Variants in DLAT observed in about 807,000 individuals in gnomAD.
DLAT encodes dihydrolipoyllysine-residue acetyltransferase component of pyruvate dehydrogenase complex, mitochondrial.
In DLAT, 43 loss-of-function variants were observed where a neutral mutation model predicts 68.0. The observed-to-expected ratio is 0.63, with a 90% CI of 0.50 to 0.81. The LOEUF (loss-of-function observed/expected upper bound fraction) is 0.81. Among genes scored for constraint, DLAT ranks in the 40% least tolerant of loss-of-function variants. DLAT has a pLI of 0.00. For missense variants in DLAT, 745 were observed against 815.4 expected, an observed-to-expected ratio of 0.91 and a Z score of 1.05; for synonymous variants, 265 against 288.6, an observed-to-expected ratio of 0.92 and a Z score of 0.83.
chr11:112,043,739 C>T (rs1383065502), intron 8 of DLAT, among the ~76,000 whole-genome samples: 4 of 152,180 alleles, frequency 2.6e-5, no homozygotes, highest in Admixed American at 2.6e-4. Context: ...ATGCTTAAGT[C>T]TCTTATATAA....
intron 11 of DLAT, among the ~76,000 whole-genome samples, chr11:112,059,635 C>T (rs143592930): frequency 5.9e-5 from 9 of 152,272 alleles, no homozygotes; most frequent in East Asian, 1.9e-4. Context: ...TCAAGTGATC[C>T]GCCCACCTCA....
intron 2 of DLAT, among the ~76,000 whole-genome samples, chr11:112,028,079 ATGT>A (rs371712611): frequency 6.6e-6 from 1 of 152,316 alleles, no homozygotes; most frequent in African/African-American, 2.4e-5. Context: ...TCACAACTTG[ATGT>A]TAGACAAGAT....
rs587618536 is a variant in DLAT, at chr11:112,051,598, G to A, written c.1514+249G>A. Among the ~76,000 whole-genome samples, 2 of 152,136 alleles carry A rather than the reference G, an allele frequency of 1.3e-5. No individual in the cohort carries two copies. Among genetic ancestry groups the A allele is most frequent in the African/African-American group, 4.8e-5 (2 of 41,512 alleles). On this transcript the variant is annotated intron_variant, in intron 11 of 13. Transcript: ENST00000280346. The surrounding 1 kb of genome is among the most constrained non-coding windows in gnomAD (Gnocchi z 4.3). Reference sequence around the variant, plus strand: ...TGTTGTTGTTGATTTATTTTTTAAAGAGATAGGGTCTTGCTCTGTTGTCCA... The same window carrying A: ...TGTTGTTGTTGATTTATTTTTTAAAAAGATAGGGTCTTGCTCTGTTGTCCA...
chr11:112,028,901 C>G lies in DLAT; in HGVS notation c.616C>G (p.Pro206Ala), dbSNP rs1411144648. 1 of 1,614,176 alleles carries G rather than the reference C, an allele frequency of 6.2e-7. No homozygotes were observed. The highest frequency in any genetic ancestry group is 8.5e-7 in the Non-Finnish European group (1 of 1,180,016). The change falls in exon 4 of 14, where the codon CCT (proline) becomes GCT (alanine). Residue 206 changes from proline to alanine, a missense_variant. By Grantham distance (27) the Pro-to-Ala change is conservative (BLOSUM62 -1). Coordinates refer to ENST00000280346, the MANE Select transcript of DLAT (RefSeq NM_001931.5). Reference sequence around the variant, plus strand: ...TGCTGCCACTGCTTCGCCACCTACACCTTCTGCTCAGGCTCCTGGTAGCTC... The same window carrying G: ...TGCTGCCACTGCTTCGCCACCTACAGCTTCTGCTCAGGCTCCTGGTAGCTC... ...TPAATASPPT[P>A]SAQAPGSSYP...
chr11:112,038,389 G>A (rs1862882704), intron 6 of DLAT, among the ~76,000 whole-genome samples: 1 of 151,224 alleles, frequency 6.6e-6, no homozygotes, highest in African/African-American at 2.4e-5. Context: ...AGTAGAGAAG[G>A]GGTTTCACCG....
intron 4 of DLAT, among the ~76,000 whole-genome samples, chr11:112,029,390 C>T (rs1179778502): frequency 6.6e-6 from 1 of 152,140 alleles, no homozygotes; most frequent in Admixed American, 6.5e-5. Flanking sequence ...AGCAGGGCGC[C>T]AGCATCTGTT....
At chr11:112,046,621 C>T (rs1371011323) in intron 10 of DLAT, among the ~76,000 whole-genome samples, 3 of 152,026 alleles carry the variant, frequency 2.0e-5, no homozygotes, top group East Asian at 3.9e-4. Context: ...CCCTTAGCCC[C>T]CCACCCCCCT....
rs138250156 is a variant in DLAT, at chr11:112,045,217, G to T, written c.1277G>T (p.Ser426Ile). The T allele has an allele frequency of 6.2e-7, 1 of 1,613,732 alleles. No homozygotes were observed. The highest frequency in any genetic ancestry group is 1.3e-5 in the African/African-American group (1 of 74,892). Residue 426 changes from serine (S) to isoleucine (I), a missense_variant, in exon 9 of 14, where the codon AGC (serine) becomes ATC (isoleucine). Transcript: ENST00000280346. ...PTGVFTDIPI[S>I]NIRRVIAQRL... ...GGTGTCTTCACAGATATCCCAATCA[G>T]CAACATTCGTCGGGTAAGAGAATTA...
At chr11:112,038,164 T>A (rs1862870840) in intron 6 of DLAT, among the ~76,000 whole-genome samples, 1 of 152,050 alleles carries the variant, frequency 6.6e-6, no homozygotes, top group African/African-American at 2.4e-5. Context: ...ACTGTACATT[T>A]GTGGGAAGCT....
At chr11:112,036,464 C>T (rs587621873) in intron 5 of DLAT, among the ~76,000 whole-genome samples, 9 of 150,370 alleles carry the variant, frequency 6.0e-5, no homozygotes, top group South Asian at 2.1e-4. Flanking sequence ...CCACCCGCCT[C>T]GGTCTCCCAA....
At chr11:112,033,287 G>T in intron 4 of DLAT, 117 bp from the exon 5 acceptor site, 2 of 1,295,704 alleles carry the variant, frequency 1.5e-6, no homozygotes, top group Non-Finnish European at 2.2e-6. Context: ...TTTTGCTGTG[G>T]TGAGTATTTG....
chr11:112,029,559 A>T (rs1862281820), intron 4 of DLAT, among the ~76,000 whole-genome samples: 1 of 152,132 alleles, frequency 6.6e-6, no homozygotes, highest in African/African-American at 2.4e-5. Context: ...ACCATGGGGC[A>T]TGCAGCAAGC....
In DLAT at chr11:112,063,074, CAAGGAA is replaced by C. The variant is rs1438314717; in HGVS notation, c.*542_*547del. ...CATCGATGGGAAGGGTAGAAAACTTCAAGGAAAATAAGTGAAATTTTAAAAGTCAGC... is the reference window on the plus strand; with the variant it reads ...CATCGATGGGAAGGGTAGAAAACTTCAATAAGTGAAATTTTAAAAGTCAGC... On this transcript the variant is annotated 3_prime_UTR_variant, in exon 14 of 14. Coordinates refer to ENST00000280346, the MANE Select transcript of DLAT (RefSeq NM_001931.5). The C allele has an allele frequency of 1.3e-5, 2 of 154,662 alleles. No individual in the cohort carries two copies. Among genetic ancestry groups the C allele is most frequent in the Non-Finnish European group, 2.9e-5 (2 of 69,650 alleles). The allele number at this position is 154,662 out of a possible 1,614,324, so 9.6% of individuals were successfully genotyped here. A position where few individuals can be genotyped will look rare whatever the true frequency, so the allele number is the denominator to read the frequency against.
rs1320913468 is a variant in DLAT, at chr11:112,051,574, GT to G, written c.1514+227del. 2.0e-5 allele frequency among the ~76,000 whole-genome samples: 3 copies of G among 151,916 alleles called. No individual in the cohort carries two copies. Among genetic ancestry groups the G allele is most frequent in the Admixed American group, 1.3e-4 (2 of 15,240 alleles). On this transcript the variant is annotated intron_variant, in intron 11 of 13. Transcript: ENST00000280346. The surrounding 1 kb of genome is among the most constrained non-coding windows in gnomAD (Gnocchi z 4.3). ...CCTTGTTTTTGTTTTTGTTTTTGTT[GT>G]TGTTGTTGATTTATTTTTTAAAGAG...
At chr11:112,029,093 C>A in intron 4 of DLAT, 148 bp downstream of exon 4, 2 of 890,544 alleles carry the variant, frequency 2.2e-6, no homozygotes, top group Admixed American at 2.2e-5. Context: ...TGAAGATTGA[C>A]AACTATTCTT....
intron 12 of DLAT, 36 bp from the exon 13 acceptor site, chr11:112,061,002 C>G: frequency 6.6e-7 from 1 of 1,523,196 alleles, no homozygotes; most frequent in Non-Finnish European, 8.9e-7. Context: ...TTTATGTTGA[C>G]AAACTATAAT....
At chr11:112,027,183 C>G (rs1377847504) in intron 2 of DLAT, among the ~76,000 whole-genome samples, 1 of 147,478 alleles carries the variant, frequency 6.8e-6, no homozygotes, top group East Asian at 2.0e-4. Context: ...ACTTCTCAGA[C>G]GGGGCGGTTG....
intron 5 of DLAT, among the ~76,000 whole-genome samples, chr11:112,035,206 G>C (rs936737420): frequency 2.6e-5 from 4 of 152,184 alleles, no homozygotes; most frequent in Admixed American, 6.5e-5. Context: ...GGCACCTTGA[G>C]GCAAAGGGGG....
chr11:112,028,723 A>AT (rs763843823), intron 3 of DLAT, 69 bp from the exon 4 acceptor site: 1 of 1,613,938 alleles, frequency 6.2e-7, no homozygotes, highest in Non-Finnish European at 8.5e-7. Context: ...GTTAAAGACT[A>AT]TTTTTTAAGA....
Sources: gnomAD v4.1 joint callset for allele counts (sites outside exome capture counted in the v4.1 genomes callset) on GRCh38, gnomAD v4.1.1 for gene constraint, Gnocchi (gnomAD v3.1) non-coding constraint, MANE v1.5 for transcripts, NCBI Gene and HGNC (gene_info 2026-07-23, HGNC 2026-07-21) for gene names.